The following SETD2 variants were observed in gnomAD, a reference collection of about 807,000 sequenced individuals.
SETD2 encodes the protein histone-lysine N-methyltransferase SETD2.
In SETD2, 31 loss-of-function variants were observed where a neutral mutation model predicts 242.1. The ratio of observed to expected loss-of-function variants is 0.13; its 90% confidence interval spans 0.10 to 0.17. The LOEUF is 0.17. SETD2 is among the 10% of genes least tolerant of loss of function. The pLI is 1.00. For missense variants in SETD2, 2,481 were observed against 3,046.3 expected (o/e 0.81, Z 4.37); for synonymous variants, 1,006 against 1,066.5 (o/e 0.94, Z 1.11).
Position 47,083,897 on chromosome 3 carries a change from C to G in SETD2, c.5883G>C (p.Glu1961Asp), listed in dbSNP as rs1262728301. 1 of 1,614,128 alleles carries G rather than the reference C, an allele frequency of 6.2e-7. No individual in the cohort carries two copies. The highest frequency in any genetic ancestry group is 8.5e-7 in the Non-Finnish European group (1 of 1,180,006). ...GTTTTGTGCCGTTGCTCTCTTTGGGCTCTATTTCAGCGTCAGCTTCTGGTT... is the reference window on the plus strand; with the variant it reads ...GTTTTGTGCCGTTGCTCTCTTTGGGGTCTATTTCAGCGTCAGCTTCTGGTT... ...TSEPEADAEI[E>D]PKESNGTKLE... Residue 1961 changes from glutamate (E) to aspartate (D), a missense_variant, in exon 12 of 21, where the codon GAG becomes GAC. Transcript: ENST00000409792.
intron 18 of SETD2, among the ~76,000 whole-genome samples, chr3:47,021,368 T>C (rs538555428): frequency 6.6e-5 from 10 of 152,272 alleles, no homozygotes; most frequent in African/African-American, 2.2e-4. Flanking sequence ...ACTATGTAAA[T>C]AGAAATGTCC....
intron 6 of SETD2, among the ~76,000 whole-genome samples, chr3:47,105,239 G>A (rs979023319): frequency 6.6e-6 from 1 of 151,770 alleles, no homozygotes; most frequent in Non-Finnish European, 1.5e-5. Context: ...GCAAAACCCC[G>A]TCTCTACTAA....
intron 15 of SETD2, among the ~76,000 whole-genome samples, chr3:47,052,102 T>C (rs1192868916): frequency 6.6e-6 from 1 of 152,210 alleles, no homozygotes; most frequent in Non-Finnish European, 1.5e-5. Flanking sequence ...ACACGTTTGT[T>C]GACACATGTA....
At position 47,122,928 on chromosome 3, in the gene SETD2, T is replaced by G; in HGVS notation, c.1708A>C (p.Lys570Gln). 6.2e-7 allele frequency: 1 copy of G among 1,610,770 alleles called. No individual in the cohort carries two copies. Among genetic ancestry groups the G allele is most frequent in the African/African-American group, 1.3e-5 (1 of 74,702 alleles). Residue 570 changes from lysine (K) to glutamine (Q), a missense_variant, in exon 3 of 21, where the codon AAA (lysine) becomes CAA (glutamine). This residue lies in a region of SETD2 where 1,300 missense variants were observed against 1,259.2 expected (regional missense o/e 1.03). Coordinates refer to ENST00000409792, the MANE Select transcript of SETD2 (RefSeq NM_014159.7). Reference sequence around the variant, plus strand: ...AATTCTGTACAACAGAAAGAATTTTTAAATTTATCAGACTTGGGTATAGGT... The same window carrying G: ...AATTCTGTACAACAGAAAGAATTTTGAAATTTATCAGACTTGGGTATAGGT... ...SKPIPKSDKF[K>Q]NSFCCTELNE...
intron 6 of SETD2, among the ~76,000 whole-genome samples, chr3:47,104,579 T>G (rs947087770): frequency 1.3e-5 from 2 of 152,212 alleles, no homozygotes; most frequent in African/African-American, 4.8e-5. Flanking sequence ...CATGTTATTT[T>G]TATCAATAAG....
chr3:47,130,294 T>G (rs1043091676), intron 1 of SETD2, among the ~76,000 whole-genome samples: 1 of 152,034 alleles, frequency 6.6e-6, no homozygotes, highest in Non-Finnish European at 1.5e-5. Flanking sequence ...GGACAAGATA[T>G]TGGGGGCTTT....
At chr3:47,033,652 A>ATTTTTTTTTTTTTTTTTTTTTTTTTTTTT in intron 18 of SETD2, among the ~76,000 whole-genome samples, 1 of 90,856 alleles carries the variant, frequency 1.1e-5, no homozygotes, top group Non-Finnish European at 1.9e-5. Flanking sequence ...TCATGGTTTG[A>ATTTTTTTTTTTTTTTTTTTTTTTTTTTTT]TTTTTTTTTT....
rs2107651109 is a variant in SETD2, at chr3:47,088,163, C to T, written c.5227G>A (p.Val1743Ile). Residue 1743 changes from valine to isoleucine, a missense_variant, in exon 10 of 21, where the codon GTT becomes ATT. Transcript: ENST00000409792. ...TTCTGCTCCAAAGTTTCAATTCTAA[C>T]CATTAGCCGGGATAAGCTGAGCACC... ...NQVLSLSRLM[V>I]RIETLEQKLT... 1 of 1,613,944 alleles carries T rather than the reference C, an allele frequency of 6.2e-7. No homozygotes were observed. The highest frequency in any genetic ancestry group is 2.2e-5 in the East Asian group (1 of 44,868).
intron 1 of SETD2, among the ~76,000 whole-genome samples, chr3:47,135,610 A>T (rs897530266): frequency 6.6e-6 from 1 of 152,184 alleles, no homozygotes; most frequent in Non-Finnish European, 1.5e-5. Flanking sequence ...ACAGAAAAAA[A>T]ATCAAACTTG....
intron 18 of SETD2, among the ~76,000 whole-genome samples, chr3:47,024,962 C>G (rs1047736759): frequency 6.6e-6 from 1 of 152,308 alleles, no homozygotes; most frequent in Middle Eastern, 3.4e-3. Context: ...AAGGAACAGT[C>G]TCACAATGTT....
intron 9 of SETD2, among the ~76,000 whole-genome samples, chr3:47,096,595 AAG>A (rs1491356289): frequency 0.14 from 4,265 of 31,038 alleles, 563 homozygotes; most frequent in African/African-American, 0.28. Flanking sequence ...AAAAAAAAAA[AAG>A]GGGGGCTGGG....
chr3:47,058,369 A>G (rs1354915782), intron 14 of SETD2, among the ~76,000 whole-genome samples: 1 of 134,156 alleles, frequency 7.5e-6, no homozygotes, highest in Non-Finnish European at 1.6e-5. Flanking sequence ...TGAACCCAGG[A>G]GGCAGAGGTG....
Position 47,091,016 on chromosome 3 carries a change from T to C in SETD2, c.5143-2769A>G, listed in dbSNP as rs540127933. Among the ~76,000 whole-genome samples the C allele has an allele frequency of 1.1e-4, 17 of 152,152 alleles. No homozygotes were observed. In the East Asian group the frequency reaches 1.2e-3, roughly 10 times the overall value. Reference sequence around the variant, plus strand: ...AAAATAAAGTGCTGCCTGAGAGAGGTTGTAGAAACTCAAACCCATTTTTCT... The same window carrying C: ...AAAATAAAGTGCTGCCTGAGAGAGGCTGTAGAAACTCAAACCCATTTTTCT... On this transcript the variant is annotated intron_variant, in intron 9 of 20. Transcript: ENST00000409792.
chr3:47,034,267 C>G (rs2038904762), intron 18 of SETD2, among the ~76,000 whole-genome samples: 2 of 152,164 alleles, frequency 1.3e-5, no homozygotes, highest in African/African-American at 2.4e-5. Context: ...AACTACTACT[C>G]TATAACCCCC....
chr3:47,163,811 A>C (rs1487804582), intron 1 of SETD2, 43 bp downstream of exon 1: 3 of 1,240,558 alleles, frequency 2.4e-6, no homozygotes, highest in Non-Finnish European at 3.1e-6. Flanking sequence ...GGCTGGGGAT[A>C]AGGCGGCCGA....
chr3:47,048,052 C>G (rs2039609598), intron 15 of SETD2, among the ~76,000 whole-genome samples: 1 of 152,156 alleles, frequency 6.6e-6, no homozygotes, highest in South Asian at 2.1e-4. Context: ...TTAACAGTAT[C>G]TGTGTATCTA....
At position 47,040,181 on chromosome 3, in the gene SETD2, G is replaced by T. The variant is rs2107534012; in HGVS notation, c.7238+2380C>A. ...TGGAGTAGAGACGGGGTTTCATCAT[G>T]TTGGCCAGGCTGGTCTTGAACTCCT... is the stretch of plus-strand genomic sequence containing the variant. On this transcript the variant is annotated intron_variant, in intron 17 of 20. Coordinates refer to ENST00000409792, the MANE Select transcript of SETD2 (RefSeq NM_014159.7). Among the ~76,000 whole-genome samples the T allele has an allele frequency of 2.0e-5, 3 of 152,146 alleles. 1 individual carries two copies. The South Asian group carries it at 6.2e-4, about 32-fold the overall frequency.
Position 47,122,807 on chromosome 3 carries a change from T to C in SETD2, c.1829A>G (p.Glu610Gly). ...LRMINKNPER[E>G]KAGSPAPSNR... ...TGATGGAGCTGGAGACCCAGCCTTTTCTCTTTCAGGATTTTTATTAATCAT... is the reference window on the plus strand; with the variant it reads ...TGATGGAGCTGGAGACCCAGCCTTTCCTCTTTCAGGATTTTTATTAATCAT... Residue 610 changes from glutamate (E) to glycine (G), a missense_variant, in exon 3 of 21, where the codon GAA becomes GGA. Coordinates refer to ENST00000409792, the MANE Select transcript of SETD2 (RefSeq NM_014159.7). 6.2e-7 allele frequency: 1 copy of C among 1,613,406 alleles called. No individual in the cohort carries two copies. Among genetic ancestry groups the C allele is most frequent in the Non-Finnish European group, 8.5e-7 (1 of 1,179,828 alleles).
chr3:47,092,634 C>T (rs1376281082), intron 9 of SETD2, among the ~76,000 whole-genome samples: 1 of 151,450 alleles, frequency 6.6e-6, no homozygotes, highest in East Asian at 1.9e-4. Context: ...CTAATCATTG[C>T]AAGATACTAT....
Sources: gnomAD v4.1 joint callset for allele counts (sites outside exome capture counted in the v4.1 genomes callset) on GRCh38, gnomAD v4.1.1 for gene constraint, gnomAD v4.1.1 regional missense constraint, MANE v1.5 for transcripts, NCBI Gene and HGNC (gene_info 2026-07-23, HGNC 2026-07-21) for gene names.